Variants in ERP29 observed in about 807,000 individuals in gnomAD.
ERP29 encodes endoplasmic reticulum resident protein 29.
ERP29 carries 14 observed loss-of-function variants against 21.7 expected under a neutral mutation model. That is an observed-to-expected ratio of 0.64 (90% CI 0.43 to 1.01). The LOEUF (loss-of-function observed/expected upper bound fraction) is 1.01, where lower values mean the gene tolerates loss of function less well. Ranked by LOEUF, ERP29 falls within the 50% of genes least tolerant of loss-of-function variation. The pLI is 0.00. For missense variants in ERP29, 286 were observed against 327.3 expected, an observed-to-expected ratio of 0.87 and a Z score of 0.97; for synonymous variants, 129 against 139.1, an observed-to-expected ratio of 0.93 and a Z score of 0.51.
intron 2 of ERP29, among the ~76,000 whole-genome samples, chr12:112,021,761 C>G (rs1388786198): frequency 6.6e-6 from 1 of 151,920 alleles, no homozygotes; most frequent in Non-Finnish European, 1.5e-5. Flanking sequence ...CTCCTGACCT[C>G]GTGATCTGTC....
chr12:112,020,426 A>C (rs561819193), intron 2 of ERP29, among the ~76,000 whole-genome samples: 64 of 152,084 alleles, frequency 4.2e-4, no homozygotes, highest in African/African-American at 1.4e-3. Context: ...TTAAATCTTC[A>C]CTTGAACTCT....
chr12:112,022,818 C>A lies in ERP29; in HGVS notation c.*166C>A. On this transcript the variant is annotated 3_prime_UTR_variant, in exon 3 of 3. Transcript: ENST00000261735. ...GGACATTGATGCTAACATGACCATG[C>A]TTGGGATGTCTCTAGCTGGTCTGGG... 1.5e-6 allele frequency: 1 copy of A among 681,786 alleles called. No individual in the cohort carries two copies. The highest frequency in any genetic ancestry group is 2.4e-6 in the Non-Finnish European group (1 of 412,586). The allele number at this position is 681,786 out of a possible 1,614,324, so 42.2% of individuals were successfully genotyped here.
At chr12:112,013,687 A>G in intron 1 of ERP29, 78 bp downstream of exon 1, 2 of 1,424,600 alleles carry the variant, frequency 1.4e-6, no homozygotes, top group Non-Finnish European at 1.9e-6. Flanking sequence ...GAGACGCTGG[A>G]TTCCGGGAGC....
Position 112,013,589 on chromosome 12 carries a change from G to T in ERP29, c.124G>T (p.Asp42Tyr), listed in dbSNP as rs137981237. The change falls in exon 1 of 3, where the codon GAT becomes TAT. Residue 42 changes from aspartate (D) to tyrosine (Y), a missense_variant. Physicochemically the swap from Asp to Tyr is radical, Grantham distance 160. Coordinates refer to ENST00000261735, the MANE Select transcript of ERP29 (RefSeq NM_006817.4). ...GCACACCAAGGGCGCCCTTCCCCTG[G>T]ATACGGTCACTTTCTACAAGGTAAC... The part of the protein sequence containing the change: ...GLHTKGALPL[D>Y]TVTFYKVIPK... 7 of 1,602,570 alleles carry T rather than the reference G, an allele frequency of 4.4e-6. No individual in the cohort carries two copies. In the African/African-American group the frequency reaches 6.7e-5, roughly 15 times the overall value.
intron 2 of ERP29, among the ~76,000 whole-genome samples, chr12:112,021,516 T>TC (rs2078045563): frequency 2.5e-5 from 2 of 80,306 alleles, no homozygotes; most frequent in African/African-American, 1.7e-4. Flanking sequence ...CTTAATAGTC[T>TC]TTTTTTTTTT....
In ERP29 at chr12:112,019,795, A is replaced by G. The variant is rs753934196; in HGVS notation, c.184A>G (p.Thr62Ala). 8.1e-6 allele frequency: 13 copies of G among 1,613,912 alleles called. No homozygotes were observed. In the South Asian group the frequency reaches 1.4e-4, roughly 18 times the overall value. ...CAAGTTCGTCTTGGTGAAGTTCGACACCCAGTACCCCTACGGTGAGAAGCA... is the reference window on the plus strand; with the variant it reads ...CAAGTTCGTCTTGGTGAAGTTCGACGCCCAGTACCCCTACGGTGAGAAGCA... ...KSKFVLVKFD[T>A]QYPYGEKQDE... Residue 62 changes from threonine (T) to alanine (A), a missense_variant, in exon 2 of 3, where the codon ACC becomes GCC. By Grantham distance (58) the Thr-to-Ala change is moderately conservative (BLOSUM62 0). Transcript: ENST00000261735.
intron 1 of ERP29, chr12:112,015,178 C>T (rs949312466): frequency 7.1e-6 from 1 of 140,416 alleles, no homozygotes; most frequent in African/African-American, 2.8e-5. Context: ...AGCAAATACT[C>T]CGTCTCAAAA....
In ERP29 at chr12:112,019,750, C is replaced by T; in HGVS notation, c.145-6C>T. 3.1e-6 allele frequency: 5 copies of T among 1,614,074 alleles called. No individual in the cohort carries two copies. Among genetic ancestry groups the T allele is most frequent in the Non-Finnish European group, 4.2e-6 (5 of 1,179,998 alleles). On this transcript the variant is annotated splice_polypyrimidine_tract_variant and splice_region_variant and intron_variant, in intron 1 of 2. Coordinates refer to ENST00000261735, the MANE Select transcript of ERP29 (RefSeq NM_006817.4). ...CACCCACTTGCTCAGCTCTATACGC[C>T]CTCAGGTCATTCCCAAAAGCAAGTT...
intron 1 of ERP29, among the ~76,000 whole-genome samples, chr12:112,016,549 G>A (rs1417129211): frequency 6.6e-6 from 1 of 152,218 alleles, no homozygotes; most frequent in African/African-American, 2.4e-5. Flanking sequence ...GGTAATGGTA[G>A]AGCTGATTCC....
intron 1 of ERP29, chr12:112,019,292 A>G (rs533871777): frequency 1.4e-5 from 3 of 220,612 alleles, no homozygotes; most frequent in South Asian, 1.3e-4. Flanking sequence ...GCTGGGTTCA[A>G]ACTCTGGCCT....
At chr12:112,022,046 G>T (rs1006332524) in intron 2 of ERP29, 104 bp from the exon 3 acceptor site, 2 of 1,191,508 alleles carry the variant, frequency 1.7e-6, no homozygotes, top group African/African-American at 3.0e-5. Context: ...ACCATTACAC[G>T]GCCAAGAAAA....
At chr12:112,016,867 G>C (rs2078015673) in intron 1 of ERP29, among the ~76,000 whole-genome samples, 1 of 151,928 alleles carries the variant, frequency 6.6e-6, no homozygotes. Flanking sequence ...TCCAGCCCGG[G>C]CAACAGAGCG....
intron 1 of ERP29, among the ~76,000 whole-genome samples, chr12:112,018,234 C>T (rs1466450539): frequency 6.6e-6 from 1 of 152,064 alleles, no homozygotes; most frequent in East Asian, 1.9e-4. Flanking sequence ...TAACCTCTAA[C>T]TCCTAGGCAC....
chr12:112,017,668 G>A (rs2078019598), intron 1 of ERP29, among the ~76,000 whole-genome samples: 1 of 151,886 alleles, frequency 6.6e-6, no homozygotes, highest in South Asian at 2.1e-4. Flanking sequence ...TTGTTCTGGT[G>A]TCTTCTCCTC....
intron 1 of ERP29, chr12:112,014,575 C>G (rs1593722621): frequency 1.3e-5 from 2 of 152,328 alleles, no homozygotes; most frequent in Admixed American, 6.5e-5. Context: ...GCCTTTCCCC[C>G]CTTCCATTTT....
chr12:112,019,983 T>A, intron 2 of ERP29, 89 bp downstream of exon 2: 1 of 1,503,146 alleles, frequency 6.7e-7, no homozygotes, highest in East Asian at 2.3e-5. Context: ...CCCAGCATCT[T>A]TCCTTCTGAG....
At chr12:112,019,446 T>C (rs2078031447) in intron 1 of ERP29, 1 of 401,600 alleles carries the variant, frequency 2.5e-6, no homozygotes, top group East Asian at 5.7e-5. Context: ...GCAGAGGGTC[T>C]CCTTCACCTA....
chr12:112,013,463 G>T lies in ERP29; in HGVS notation c.-3G>T, dbSNP rs751618510. 6.2e-7 allele frequency: 1 copy of T among 1,609,476 alleles called. No individual in the cohort carries two copies. Among genetic ancestry groups the T allele is most frequent in the Non-Finnish European group, 8.5e-7 (1 of 1,177,834 alleles). The stretch of plus-strand genomic sequence containing the variant: ...CTACCTCCCTCTGCAGGAACCCGGC[G>T]ATATGGCTGCCGCTGTGCCCCGCGC... On this transcript the variant is annotated 5_prime_UTR_variant, in exon 1 of 3. Transcript: ENST00000261735.
chr12:112,016,091 T>C (rs2078010441), intron 1 of ERP29, among the ~76,000 whole-genome samples: 1 of 152,252 alleles, frequency 6.6e-6, no homozygotes, highest in African/African-American at 2.4e-5. Flanking sequence ...TTTTGCCATC[T>C]TTCTCTCTCA....
Sources: gnomAD v4.1 joint callset for allele counts (sites outside exome capture counted in the v4.1 genomes callset) on GRCh38, gnomAD v4.1.1 for gene constraint, MANE v1.5 for transcripts, NCBI Gene and HGNC (gene_info 2026-07-23, HGNC 2026-07-21) for gene names.